PARG: variants seen among roughly 807,000 people sequenced by gnomAD.
PARG encodes poly(ADP-ribose) glycohydrolase.
A neutral mutation model predicts 113.0 loss-of-function variants in PARG; 35 were observed. The ratio of observed to expected loss-of-function variants is 0.31; its 90% CI spans 0.24 to 0.41. The LOEUF (loss-of-function observed/expected upper bound fraction) is 0.41, where lower values mean the gene tolerates loss of function less well. Among genes scored for constraint, PARG ranks in the 10% least tolerant of loss-of-function variants. The probability of loss-of-function intolerance (pLI) is 1.00; values close to 1 mark genes in which losing one functional copy is unlikely to be tolerated. For missense variants in PARG, 797 were observed against 1,169.4 expected, an observed-to-expected ratio of 0.68 and a Z score of 4.64; for synonymous variants, 330 against 409.9, an observed-to-expected ratio of 0.81 and a Z score of 2.36.
At chr10:49,920,461 A>AT (rs1554848881) in intron 6 of PARG, among the ~76,000 whole-genome samples, 137 of 48,064 alleles carry the variant, frequency 2.9e-3, no homozygotes, top group South Asian at 0.013. Flanking sequence ...TAAAAAAAAA[A>AT]AAATATATAT....
chr10:49,825,945 T>G (rs564814116), intron 16 of PARG, among the ~76,000 whole-genome samples: 1 of 152,346 alleles, frequency 6.6e-6, no homozygotes, highest in East Asian at 1.9e-4. Context: ...CAGATTGGTT[T>G]TGGATTTCAT....
At chr10:49,826,741 G>A (rs1844377036) in intron 16 of PARG, among the ~76,000 whole-genome samples, 2 of 152,236 alleles carry the variant, frequency 1.3e-5, no homozygotes, top group African/African-American at 4.8e-5. Flanking sequence ...TGGTCCAAGG[G>A]ATGAGAAGTA....
chr10:49,891,590 CATATATATATATATATATAT>C (rs1211471476), intron 7 of PARG, among the ~76,000 whole-genome samples: 2 of 48,616 alleles, frequency 4.1e-5, no homozygotes, highest in South Asian at 2.3e-3. Context: ...TCCTATGGTC[CATATATATATATATATATAT>C]ATATATATAT....
intron 6 of PARG, 32 bp from the exon 7 acceptor site, chr10:49,916,023 T>C (rs1468060958): frequency 8.4e-7 from 1 of 1,191,330 alleles, no homozygotes; most frequent in East Asian, 2.5e-5. Flanking sequence ...AAAAACGTCA[T>C]GGTATGGCCA....
intron 13 of PARG, among the ~76,000 whole-genome samples, chr10:49,844,153 A>AAAAAG (rs1162114474): frequency 6.6e-6 from 1 of 152,138 alleles, no homozygotes; most frequent in Non-Finnish European, 1.5e-5. Context: ...TCAAAAGAAA[A>AAAAAG]AAAAGAAAAG....
rs1320203809 is a variant in PARG at position 49,818,849 on chromosome 10, G to A, written c.*491C>T. ...AAAAAACCCTAATTATTAATTTTCA[G>A]AATTTAAAAACTTAAACAATGCAAG... On this transcript the variant is annotated 3_prime_UTR_variant, in exon 18 of 18. Coordinates refer to ENST00000616448, the MANE Select transcript of PARG (RefSeq NM_003631.5). 1.3e-5 allele frequency: 2 copies of A among 152,356 alleles called. No individual in the cohort carries two copies. The highest frequency in any genetic ancestry group is 2.4e-5 in the African/African-American group (1 of 41,432). The allele number at this position is 152,356 out of a possible 1,614,324, so 9.4% of individuals were successfully genotyped here.
At chr10:49,884,624 G>A (rs1357649774) in intron 8 of PARG, among the ~76,000 whole-genome samples, 10 of 151,160 alleles carry the variant, frequency 6.6e-5, no homozygotes, top group African/African-American at 2.4e-4. Context: ...CCAGCTACTT[G>A]GGTGGCTGAG....
At chr10:49,830,580 A>C (rs1740417941) in intron 16 of PARG, among the ~76,000 whole-genome samples, 2 of 152,226 alleles carry the variant, frequency 1.3e-5, no homozygotes. Context: ...ATATACAAAG[A>C]GTTATTACTA....
Position 49,819,191 on chromosome 10 carries a change from C to T in PARG, c.*149G>A. On this transcript the variant is annotated 3_prime_UTR_variant, in exon 18 of 18. Transcript: ENST00000616448. ...GTTTAGATGTACCAACTGACAACTGCACATGTGTGGAAGAGATTGCGTCCT... is the reference window on the plus strand; with the variant it reads ...GTTTAGATGTACCAACTGACAACTGTACATGTGTGGAAGAGATTGCGTCCT... 1.7e-6 allele frequency: 1 copy of T among 601,598 alleles called. No individual in the cohort carries two copies. The highest frequency in any genetic ancestry group is 2.9e-6 in the Non-Finnish European group (1 of 344,094). 37.3% of individuals were successfully genotyped at this position (601,598 alleles called of 1,614,324 possible). A position where few individuals can be genotyped will look rare whatever the true frequency, so the allele number is the denominator to read the frequency against.
At position 49,924,782 on chromosome 10, in the gene PARG, A is replaced by C. The variant is rs1358899188; in HGVS notation, c.1456-2113T>G. ...AGATACCAAGCTCTGAAAGAAACGG[A>C]AGTATTTTACCCCAAAATGTATTTA... On this transcript the variant is annotated intron_variant, in intron 4 of 17. Coordinates refer to ENST00000616448, the MANE Select transcript of PARG (RefSeq NM_003631.5). Among the ~76,000 whole-genome samples the C allele has an allele frequency of 2.0e-5, 3 of 152,142 alleles. No individual in the cohort carries two copies. The East Asian group carries it at 5.8e-4, about 29-fold the overall frequency.
intron 7 of PARG, among the ~76,000 whole-genome samples, chr10:49,894,427 A>G (rs561313397): frequency 6.6e-6 from 1 of 152,128 alleles, no homozygotes; most frequent in South Asian, 2.1e-4. Flanking sequence ...AAGGTTTCCC[A>G]TTAGCTATAA....
At chr10:49,842,251 T>C (rs1554832514) in intron 14 of PARG, among the ~76,000 whole-genome samples, 193 bp from the exon 15 acceptor site, 1 of 152,242 alleles carries the variant, frequency 6.6e-6, no homozygotes, top group Non-Finnish European at 1.5e-5. Context: ...CAGTGTGCAC[T>C]GTCAGGCTTT....
intron 7 of PARG, among the ~76,000 whole-genome samples, chr10:49,901,713 A>T (rs1198939946): frequency 2.6e-5 from 4 of 151,934 alleles, no homozygotes; most frequent in Non-Finnish European, 5.9e-5. Context: ...CAATGAAAAG[A>T]TCTTTATTAA....
intron 7 of PARG, among the ~76,000 whole-genome samples, chr10:49,901,684 G>C (rs2132748122): frequency 6.6e-6 from 1 of 151,962 alleles, no homozygotes; most frequent in East Asian, 1.9e-4. Context: ...TACATTTGTA[G>C]TTAAAACAAA....
At chr10:49,939,455 G>A (rs1838910717) in intron 1 of PARG, among the ~76,000 whole-genome samples, 1 of 152,164 alleles carries the variant, frequency 6.6e-6, no homozygotes, top group Admixed American at 6.5e-5. Context: ...TATAAATATG[G>A]CTTATTTGCC....
At chr10:49,879,594 G>A in intron 9 of PARG, 79 bp downstream of exon 9, 3 of 1,005,880 alleles carry the variant, frequency 3.0e-6, no homozygotes, top group South Asian at 1.6e-5. Flanking sequence ...TTGGCCTATG[G>A]AATTCATTCA....
At chr10:49,884,988 C>G (rs1201501443) in intron 8 of PARG, among the ~76,000 whole-genome samples, 1 of 150,120 alleles carries the variant, frequency 6.7e-6, no homozygotes, top group African/African-American at 2.5e-5. Context: ...GTAGTACTCT[C>G]TACCCTCTAA....
At chr10:49,934,917 G>T (rs1589013584) in intron 2 of PARG, among the ~76,000 whole-genome samples, 159 bp downstream of exon 2, 2 of 151,356 alleles carry the variant, frequency 1.3e-5, no homozygotes, top group South Asian at 4.1e-4. Context: ...ACAGTCCCTG[G>T]CATACAGGAC....
At chr10:49,839,898 G>A (rs77281714) in intron 15 of PARG, among the ~76,000 whole-genome samples, 2,329 of 152,184 alleles carry the variant, frequency 0.015, 28 homozygotes, top group Middle Eastern at 0.027. Flanking sequence ...TTACATAAAT[G>A]TCCTCTTGAC....
Sources: allele counts gnomAD v4.1 joint callset (sites outside exome capture counted in the v4.1 genomes callset), GRCh38; gene constraint gnomAD v4.1.1; transcripts MANE v1.5; gene names NCBI Gene and HGNC (gene_info 2026-07-23, HGNC 2026-07-21).